Variants in CD109 observed in about 807,000 individuals in gnomAD.
CD109 encodes CD109 antigen.
A neutral mutation model predicts 165.8 loss-of-function variants in CD109; 149 were observed. The observed-to-expected ratio is 0.90, with a 90% CI of 0.79 to 1.03. The LOEUF is 1.03. CD109 is among the 50% of genes least tolerant of loss of function. The pLI is 0.00. For missense variants in CD109, 1,712 were observed against 1,677.8 expected, an observed-to-expected ratio of 1.02 and a Z score of -0.36; for synonymous variants, 585 against 592.1, an observed-to-expected ratio of 0.99 and a Z score of 0.18.
chr6:73,741,611 A>G (rs1048234809), intron 5 of CD109, among the ~76,000 whole-genome samples: 4 of 152,168 alleles, frequency 2.6e-5, no homozygotes, highest in Admixed American at 6.5e-5. Context: ...ATCTCTAGGT[A>G]TGTTATCTCT....
At chr6:73,776,887 A>G (rs1278238852) in intron 15 of CD109, among the ~76,000 whole-genome samples, 1 of 150,526 alleles carries the variant, frequency 6.6e-6, no homozygotes, top group Non-Finnish European at 1.5e-5. Flanking sequence ...GCATTTCTCT[A>G]ATGATCAGTG....
At chr6:73,762,304 T>G in intron 7 of CD109, 80 bp from the exon 8 acceptor site, 1 of 901,842 alleles carries the variant, frequency 1.1e-6, no homozygotes, top group Non-Finnish European at 1.8e-6. Flanking sequence ...TGCTAATGTA[T>G]GCTATTGAAA....
intron 31 of CD109, among the ~76,000 whole-genome samples, chr6:73,819,484 T>G (rs115777814): frequency 0.013 from 1,959 of 152,354 alleles, 35 homozygotes; most frequent in African/African-American, 0.044. Flanking sequence ...GTTCATAGTA[T>G]TCTAAGGATT....
At chr6:73,785,932 C>A (rs1374123095) in intron 20 of CD109, among the ~76,000 whole-genome samples, 2 of 151,616 alleles carry the variant, frequency 1.3e-5, no homozygotes, top group South Asian at 2.1e-4. Flanking sequence ...GCAACTTCCA[C>A]CTCACAGGTT....
At chr6:73,680,969 C>T in the CD109 span, among the ~76,000 whole-genome samples, 5 of 152,136 alleles carry the variant, frequency 3.3e-5, no homozygotes, top group African/African-American at 7.2e-5. Flanking sequence ...TACATGGACA[C>T]GTCTAGCTGG....
intron 17 of CD109, among the ~76,000 whole-genome samples, chr6:73,781,816 GACACAC>G (rs796262663): frequency 3.2e-5 from 2 of 62,870 alleles, no homozygotes; most frequent in Non-Finnish European, 6.5e-5. Context: ...CACACACGCA[GACACAC>G]ACACACACAC....
intron 5 of CD109, among the ~76,000 whole-genome samples, chr6:73,744,146 C>T (rs1772893109): frequency 6.6e-6 from 1 of 152,206 alleles, no homozygotes; most frequent in Admixed American, 6.5e-5. Context: ...CATCCATCTC[C>T]AGAACCTATT....
chr6:73,820,444 C>G lies in CD109; in HGVS notation c.4060-17C>G. 6.8e-7 allele frequency: 1 copy of G among 1,466,978 alleles called. No individual in the cohort carries two copies. Among genetic ancestry groups the G allele is most frequent in the Non-Finnish European group, 9.5e-7 (1 of 1,051,126 alleles). The allele number at this position is 1,466,978 out of a possible 1,614,324, so 90.9% of individuals were successfully genotyped here. A position where few individuals can be genotyped will look rare whatever the true frequency, so the allele number is the denominator to read the frequency against. On this transcript the variant is annotated splice_polypyrimidine_tract_variant and intron_variant, in intron 31 of 32. Transcript: ENST00000287097. ...CACAGTGTGCCAACCCCTTAAGACT[C>G]TTTTGTATTTCTCAAGGTAAATGAA...
Position 73,792,804 on chromosome 6 carries a change from T to G in CD109, c.2878+2T>G. The G allele has an allele frequency of 6.2e-7, 1 of 1,605,210 alleles. No homozygotes were observed. Among genetic ancestry groups the G allele is most frequent in the Admixed American group, 1.7e-5 (1 of 58,838 alleles). On this transcript the variant is annotated splice_donor_variant, in intron 23 of 32. Coordinates refer to ENST00000287097, the MANE Select transcript of CD109 (RefSeq NM_133493.5). LOFTEE classifies it high-confidence loss of function. ...AAGCTCTTTCATTTATGAGGCAAGG[T>G]AAGCATTTTAGAGACCTACATTTGT...
chr6:73,818,236 C>A (rs924990776), intron 30 of CD109, 152 bp from the exon 31 acceptor site: 3 of 710,286 alleles, frequency 4.2e-6, no homozygotes, highest in Non-Finnish European at 4.7e-6. Flanking sequence ...AAAATGATAA[C>A]CTGTTTTAAA....
upstream of CD109, among the ~76,000 whole-genome samples, chr6:73,693,573 CAG>C (rs1410003046): frequency 3.9e-5 from 6 of 152,314 alleles, no homozygotes; most frequent in Admixed American, 3.9e-4. Flanking sequence ...TCTTTTGAGA[CAG>C]AGTCTTGCTC....
chr6:73,682,769 A>G, the CD109 span, among the ~76,000 whole-genome samples: 176 of 152,358 alleles, frequency 1.2e-3, no homozygotes, highest in South Asian at 0.017. Flanking sequence ...ATCTTCTGAA[A>G]TCTTTCCCAA....
chr6:73,742,021 A>C (rs777923876), intron 5 of CD109, among the ~76,000 whole-genome samples: 1 of 152,186 alleles, frequency 6.6e-6, no homozygotes, highest in Non-Finnish European at 1.5e-5. Flanking sequence ...AAATACACAT[A>C]ACGTAAAATT....
intron 2 of CD109, among the ~76,000 whole-genome samples, chr6:73,708,893 G>C (rs1771410133): frequency 6.6e-6 from 1 of 152,114 alleles, no homozygotes; most frequent in Admixed American, 6.5e-5. Flanking sequence ...GTAGATTCTG[G>C]ATATTAGCCC....
the CD109 span, among the ~76,000 whole-genome samples, chr6:73,680,410 G>T: frequency 6.6e-6 from 1 of 152,140 alleles, no homozygotes; most frequent in African/African-American, 2.4e-5. Flanking sequence ...AAGAGTGGGT[G>T]GAGAAATTGC....
At chr6:73,810,248 A>G (rs539188662) in intron 27 of CD109, 74 bp downstream of exon 27, 1 of 355,250 alleles carries the variant, frequency 2.8e-6, no homozygotes, top group South Asian at 1.2e-4. Context: ...TATTTTATAT[A>G]TAATATATAG....
intron 7 of CD109, among the ~76,000 whole-genome samples, chr6:73,759,738 G>A (rs888587675): frequency 2.6e-5 from 4 of 152,012 alleles, no homozygotes; most frequent in African/African-American, 9.7e-5. Flanking sequence ...ACAATATCCT[G>A]GCATTCTAGT....
rs746094855 is a variant in CD109 at position 73,788,506 on chromosome 6, A to C, written c.2595A>C (p.Leu865Phe). 1 of 1,611,838 alleles carries C rather than the reference A, an allele frequency of 6.2e-7. No homozygotes were observed. The highest frequency in any genetic ancestry group is 8.5e-7 in the Non-Finnish European group (1 of 1,179,526). Residue 865 changes from leucine (L) to phenylalanine (F), a missense_variant, in exon 22 of 33, where the codon TTA (leucine) becomes TTC (phenylalanine). Leu to Phe is a conservative substitution (Grantham distance 22). Transcript: ENST00000287097. The part of the protein sequence containing the change: ...GIEKSYSQSI[L>F]LDLTDNRLQS... ...AAAAATCATATTCACAATCCATCTT[A>C]TTAGACTTGACTGACAATAGGCTAC... is the stretch of plus-strand genomic sequence containing the variant.
intron 23 of CD109, among the ~76,000 whole-genome samples, chr6:73,794,865 G>A (rs1392391885): frequency 6.6e-6 from 1 of 151,946 alleles, no homozygotes; most frequent in Non-Finnish European, 1.5e-5. Flanking sequence ...AATTATCCCT[G>A]TTTATACACA....
Sources: gnomAD v4.1 joint callset for allele counts (sites outside exome capture counted in the v4.1 genomes callset) on GRCh38, gnomAD v4.1.1 for gene constraint, MANE v1.5 for transcripts, NCBI Gene and HGNC (gene_info 2026-07-23, HGNC 2026-07-21) for gene names.